PHACTR1: variants seen among roughly 807,000 people sequenced by gnomAD.
PHACTR1 encodes RPEL repeat containing 1.
PHACTR1 carries 16 observed loss-of-function variants against 69.2 expected under a neutral mutation model. That is an observed-to-expected ratio of 0.23 (90% CI 0.16 to 0.35). The LOEUF is 0.35. Among genes scored for constraint, PHACTR1 ranks in the 10% least tolerant of loss-of-function variants. The pLI is 1.00. For missense variants in PHACTR1, 510 were observed against 734.7 expected (o/e 0.69, Z 3.54); for synonymous variants, 312 against 284.5 (o/e 1.10, Z -0.97).
intron 4 of PHACTR1, among the ~76,000 whole-genome samples, chr6:12,926,249 T>C (rs1462200900): frequency 6.6e-6 from 1 of 152,210 alleles, no homozygotes; most frequent in African/African-American, 2.4e-5. Context: ...TTGGATCTTC[T>C]CCACCATTTG....
chr6:13,233,321 A>C (rs557220763), intron 10 of PHACTR1, among the ~76,000 whole-genome samples: 45 of 10,380 alleles, frequency 4.3e-3, no homozygotes, highest in African/African-American at 0.036. Context: ...CCCTTTCCCA[A>C]CTCTTCCCCT....
At chr6:12,933,184 C>A (rs1004789728) in intron 4 of PHACTR1, among the ~76,000 whole-genome samples, 1 of 152,016 alleles carries the variant, frequency 6.6e-6, no homozygotes, top group Non-Finnish European at 1.5e-5. Context: ...TATCCCTTAT[C>A]CCCCTGTCTC....
chr6:12,925,483 A>G (rs1788174725), intron 4 of PHACTR1, among the ~76,000 whole-genome samples: 1 of 152,210 alleles, frequency 6.6e-6, no homozygotes, highest in African/African-American at 2.4e-5. Flanking sequence ...TTCTAAGAGA[A>G]TACCTTCTAT....
chr6:13,121,879 A>G (rs1818793699), intron 5 of PHACTR1, among the ~76,000 whole-genome samples: 1 of 152,260 alleles, frequency 6.6e-6, no homozygotes, highest in Non-Finnish European at 1.5e-5. Context: ...TCTTGGGAAC[A>G]GGGACTTACT....
chr6:12,980,254 G>A (rs1031262648), intron 4 of PHACTR1, among the ~76,000 whole-genome samples: 3 of 152,174 alleles, frequency 2.0e-5, no homozygotes, highest in Admixed American at 6.5e-5. Context: ...ATGTGTGCAC[G>A]TGTGTGACAA....
intron 4 of PHACTR1, among the ~76,000 whole-genome samples, chr6:12,994,602 T>G (rs1314031711): frequency 6.6e-6 from 1 of 152,092 alleles, no homozygotes. Flanking sequence ...TATGTAAAAT[T>G]TGAATATTTT....
intron 5 of PHACTR1, among the ~76,000 whole-genome samples, chr6:13,159,530 G>A (rs1027321122): frequency 8.5e-5 from 13 of 152,214 alleles, no homozygotes; most frequent in African/African-American, 3.1e-4. Flanking sequence ...TGACATCCAA[G>A]GTGGCATTTC....
At chr6:12,832,533 G>T (rs1561926465) in intron 4 of PHACTR1, among the ~76,000 whole-genome samples, 1 of 151,658 alleles carries the variant, frequency 6.6e-6, no homozygotes, top group Non-Finnish European at 1.5e-5. Flanking sequence ...GCACTTTGGG[G>T]TTTTTTTTCA....
At chr6:12,816,667 A>G (rs764308718) in intron 4 of PHACTR1, among the ~76,000 whole-genome samples, 3 of 152,228 alleles carry the variant, frequency 2.0e-5, no homozygotes, top group Non-Finnish European at 4.4e-5. Context: ...AAAAATGGCA[A>G]TAGGCACAGC....
At chr6:12,760,591 C>A (rs141653978) in intron 4 of PHACTR1, among the ~76,000 whole-genome samples, 24 of 152,234 alleles carry the variant, frequency 1.6e-4, no homozygotes, top group South Asian at 1.0e-3. Flanking sequence ...AAATAGAACA[C>A]AACCTTCCAG....
chr6:13,200,075 G>T (rs1764997562), intron 7 of PHACTR1, among the ~76,000 whole-genome samples: 1 of 152,190 alleles, frequency 6.6e-6, no homozygotes, highest in Admixed American at 6.5e-5. Flanking sequence ...ATGGACATTG[G>T]TCCAGATGCT....
chr6:13,247,302 AC>A (rs1773698525), intron 10 of PHACTR1, among the ~76,000 whole-genome samples: 1 of 150,578 alleles, frequency 6.6e-6, no homozygotes, highest in Non-Finnish European at 1.5e-5. Flanking sequence ...GCTAATCTTC[AC>A]ATTGTAACTT....
chr6:13,048,732 A>G (rs1024458349), intron 4 of PHACTR1, among the ~76,000 whole-genome samples: 1 of 152,176 alleles, frequency 6.6e-6, no homozygotes, highest in Non-Finnish European at 1.5e-5. Context: ...GGGTTTCACC[A>G]TGTTGGCCAG....
intron 5 of PHACTR1, among the ~76,000 whole-genome samples, chr6:13,146,961 C>T (rs1029173235): frequency 2.0e-5 from 3 of 152,148 alleles, no homozygotes; most frequent in African/African-American, 7.2e-5. Flanking sequence ...TACAAGCAAG[C>T]CCCAGAGCAT....
chr6:12,811,668 A>T (rs746303496), intron 4 of PHACTR1, among the ~76,000 whole-genome samples: 1 of 152,158 alleles, frequency 6.6e-6, no homozygotes, highest in Non-Finnish European at 1.5e-5. Flanking sequence ...TACATCCCAC[A>T]CTGTGTTGTT....
intron 4 of PHACTR1, among the ~76,000 whole-genome samples, chr6:12,861,826 A>G (rs958765296): frequency 5.9e-5 from 9 of 152,342 alleles, no homozygotes; most frequent in African/African-American, 1.9e-4. Flanking sequence ...GCTCATTTCG[A>G]TCAGTTCATT....
chr6:12,991,861 A>G (rs552704049), intron 4 of PHACTR1, among the ~76,000 whole-genome samples: 44 of 152,322 alleles, frequency 2.9e-4, no homozygotes, highest in African/African-American at 9.4e-4. Flanking sequence ...TCAAGTATTC[A>G]ATGTAATAAG....
chr6:13,278,392 C>A, intron 12 of PHACTR1, 63 bp downstream of exon 12: 1 of 1,485,806 alleles, frequency 6.7e-7, no homozygotes, highest in Non-Finnish European at 9.2e-7. Flanking sequence ...CACACCTCTG[C>A]CCTCTGCTGG....
chr6:12,947,016 T>C (rs2127548434), intron 4 of PHACTR1, among the ~76,000 whole-genome samples: 1 of 151,976 alleles, frequency 6.6e-6, no homozygotes, highest in East Asian at 1.9e-4. Flanking sequence ...TTTCACCATG[T>C]TGGTCAGCCT....
Sources: allele counts gnomAD v4.1 joint callset (sites outside exome capture counted in the v4.1 genomes callset), GRCh38; gene constraint gnomAD v4.1.1; transcripts MANE v1.5; gene names NCBI Gene and HGNC (gene_info 2026-07-23, HGNC 2026-07-21).